The following ANO10 variants were observed in gnomAD, a reference collection of about 807,000 sequenced individuals.
ANO10 encodes anoctamin-10.
A neutral mutation model predicts 74.7 loss-of-function variants in ANO10; 77 were observed. The observed-to-expected ratio is 1.03, with a 90% CI of 0.86 to 1.25. The LOEUF (loss-of-function observed/expected upper bound fraction) is 1.25, where lower values mean the gene tolerates loss of function less well. ANO10 is among the 50% of genes most tolerant of loss of function. The pLI is 0.00. For missense variants in ANO10, 721 were observed against 778.1 expected (o/e 0.93, Z 0.87); for synonymous variants, 279 against 284.9 (o/e 0.98, Z 0.21).
Position 43,536,596 on chromosome 3 carries a change from TA to T in ANO10, c.1797+13123del, listed in dbSNP as rs777485248. ...TCAAGATGAGCAGCTCCTTTAATGG[TA>T]AAATGGAGTTCTGGGGCTCAAAGAA... On this transcript the variant is annotated intron_variant, in intron 11 of 12. Coordinates refer to ENST00000292246, the MANE Select transcript of ANO10 (RefSeq NM_018075.5). 5.3e-4 allele frequency among the ~76,000 whole-genome samples: 80 copies of T among 152,242 alleles called. No individual in the cohort carries two copies. In the Middle Eastern group the frequency reaches 0.01, roughly 19 times the overall value.
At chr3:43,426,744 C>T (rs2092905590) in intron 12 of ANO10, among the ~76,000 whole-genome samples, 1 of 152,192 alleles carries the variant, frequency 6.6e-6, no homozygotes. Flanking sequence ...AAGGGCATCA[C>T]TAGGATGATA....
At chr3:43,677,759 ACAGCATGGTG>A (rs2084142203) in intron 1 of ANO10, among the ~76,000 whole-genome samples, 1 of 152,202 alleles carries the variant, frequency 6.6e-6, no homozygotes, top group Non-Finnish European at 1.5e-5. Context: ...AGGCTTCCTT[ACAGCATGGTG>A]GTCTCAGGGT....
chr3:43,370,798 A>T (rs930800942), intron 12 of ANO10, among the ~76,000 whole-genome samples: 2 of 152,252 alleles, frequency 1.3e-5, no homozygotes, highest in Non-Finnish European at 2.9e-5. Flanking sequence ...AGTAATGATT[A>T]TAATAGGAAC....
intron 11 of ANO10, among the ~76,000 whole-genome samples, chr3:43,491,937 T>C (rs560430858): frequency 2.2e-4 from 34 of 152,170 alleles, no homozygotes; most frequent in Middle Eastern, 3.4e-3. Context: ...GATGGCCAAA[T>C]AGGAACAGCT....
At chr3:43,386,493 C>T (rs567760763) in intron 12 of ANO10, among the ~76,000 whole-genome samples, 1 of 152,048 alleles carries the variant, frequency 6.6e-6, no homozygotes, top group Non-Finnish European at 1.5e-5. Flanking sequence ...ACTTAAATGT[C>T]CCCTCAAAAT....
intron 12 of ANO10, among the ~76,000 whole-genome samples, chr3:43,396,853 A>G (rs1001140099): frequency 7.9e-5 from 12 of 151,882 alleles, no homozygotes; most frequent in African/African-American, 2.9e-4. Flanking sequence ...TGTGTCTTTA[A>G]GTTTACTAAT....
intron 11 of ANO10, among the ~76,000 whole-genome samples, chr3:43,453,325 AC>A (rs1375710234): frequency 6.7e-6 from 1 of 150,102 alleles, no homozygotes; most frequent in Non-Finnish European, 1.5e-5. Flanking sequence ...GACTACAGGC[AC>A]CCGCCACTGT....
At position 43,690,948 on chromosome 3, in the gene ANO10, T is replaced by A. The variant is rs375436268; in HGVS notation, c.-12+569A>T. 1.7e-4 allele frequency: 269 copies of A among 1,545,052 alleles called. 1 individual carries two copies. The African/African-American group carries it at 3.5e-3, about 20-fold the overall frequency. ...AGCCCGGGGCGGCCCAGTCGGCCTG[T>A]CAGCCGGCTTCGAGATAAGTCCCGG... On this transcript the variant is annotated intron_variant, in intron 1 of 3. Transcript: ENST00000413397.
chr3:43,511,285 A>G (rs965217117), intron 11 of ANO10, among the ~76,000 whole-genome samples: 1 of 152,166 alleles, frequency 6.6e-6, no homozygotes, highest in East Asian at 1.9e-4. Flanking sequence ...AGATTTTTTT[A>G]AAATTCACAA....
chr3:43,577,125 G>T lies in ANO10; in HGVS notation c.729C>A (p.Tyr243Ter). ...YLFVWEDYDK[Y>*]VIFASFNLIW... Reference sequence around the variant, plus strand: ...TGAGGTTGAACGAGGCAAAGATCACGTACTTGTCATAGTCTTCCCACACAA... The same window carrying T: ...TGAGGTTGAACGAGGCAAAGATCACTTACTTGTCATAGTCTTCCCACACAA... Residue 243 changes from tyrosine (Y) to a stop codon, truncating the protein, a stop_gained, in exon 6 of 13, where the codon TAC becomes TAA. Transcript: ENST00000292246. LOFTEE classifies it high-confidence loss of function. 1 of 1,614,142 alleles carries T rather than the reference G, an allele frequency of 6.2e-7. No individual in the cohort carries two copies.
chr3:43,439,263 C>G (rs553046376), intron 11 of ANO10, among the ~76,000 whole-genome samples: 40 of 151,570 alleles, frequency 2.6e-4, no homozygotes, highest in African/African-American at 9.7e-4. Context: ...AAACTCCCAA[C>G]CAAGAATTGT....
chr3:43,650,068 G>A (rs1159992125), intron 1 of ANO10, among the ~76,000 whole-genome samples: 1 of 152,216 alleles, frequency 6.6e-6, no homozygotes, highest in African/African-American at 2.4e-5. Context: ...TTTGCAGAGG[G>A]CCAGTGTGAC....
intron 11 of ANO10, among the ~76,000 whole-genome samples, chr3:43,456,470 G>A (rs753185660): frequency 2.6e-5 from 4 of 152,214 alleles, no homozygotes; most frequent in Non-Finnish European, 4.4e-5. Context: ...GAAGCAAAGA[G>A]TTGTCCATCG....
Position 43,448,308 on chromosome 3 carries a change from CCT to C in ANO10, c.1798-15583_1798-15582del, listed in dbSNP as rs2093278786. Among the ~76,000 whole-genome samples the C allele has an allele frequency of 3.3e-5, 5 of 151,906 alleles. No homozygotes were observed. In the South Asian group the frequency reaches 1.0e-3, roughly 32 times the overall value. ...TGATAGTTTTACTGCCCTAAAAACC[CCT>C]GTGGTTCACTTATTCATTCCACACT... On this transcript the variant is annotated intron_variant, in intron 11 of 12. Transcript: ENST00000292246.
intron 12 of ANO10, among the ~76,000 whole-genome samples, chr3:43,416,327 T>C (rs1310474337): frequency 1.3e-5 from 2 of 152,250 alleles, no homozygotes; most frequent in Admixed American, 6.5e-5. Flanking sequence ...CTTTCCAAAC[T>C]GGTTTGGGAG....
At chr3:43,427,556 T>A (rs1559533598) in intron 12 of ANO10, among the ~76,000 whole-genome samples, 1 of 152,216 alleles carries the variant, frequency 6.6e-6, no homozygotes. Context: ...TTTCTACTGA[T>A]AAGCTTACTA....
At chr3:43,501,263 T>A (rs575682910) in intron 11 of ANO10, among the ~76,000 whole-genome samples, 1 of 152,132 alleles carries the variant, frequency 6.6e-6, no homozygotes, top group Non-Finnish European at 1.5e-5. Flanking sequence ...CCAGGCTCTT[T>A]AACAACCAGC....
intron 4 of ANO10, among the ~76,000 whole-genome samples, chr3:43,593,647 GC>G (rs1299375863): frequency 1.3e-5 from 2 of 151,476 alleles, no homozygotes; most frequent in Non-Finnish European, 2.9e-5. Context: ...ACCAGCCACT[GC>G]AAAAAACATG....
intron 11 of ANO10, chr3:43,485,241 T>C (rs2076429388): frequency 9.3e-6 from 6 of 645,532 alleles, no homozygotes; most frequent in East Asian, 2.8e-5. Context: ...CCGGGAGTCA[T>C]AGTGAGAGGC....
Sources: gnomAD v4.1 joint callset for allele counts (sites outside exome capture counted in the v4.1 genomes callset) on GRCh38, gnomAD v4.1.1 for gene constraint, MANE v1.5 for transcripts, NCBI Gene and HGNC (gene_info 2026-07-23, HGNC 2026-07-21) for gene names.